DNTTIP1: variants seen among roughly 807,000 people sequenced by gnomAD.
DNTTIP1 encodes deoxynucleotidyltransferase terminal interacting protein 1.
In DNTTIP1, 22 loss-of-function variants were observed where a neutral mutation model predicts 52.9. That is an observed-to-expected ratio of 0.42 (90% CI 0.30 to 0.59). The LOEUF (loss-of-function observed/expected upper bound fraction) is 0.59, where lower values mean the gene tolerates loss of function less well. DNTTIP1 is among the 20% of genes least tolerant of loss of function. The pLI is 0.22. For synonymous variants in DNTTIP1, 136 were observed against 155.1 expected, an observed-to-expected ratio of 0.88 and a Z score of 0.92; for missense variants, 286 against 435.5, an observed-to-expected ratio of 0.66 and a Z score of 3.06.
In DNTTIP1 at chr20:45,805,356, A is replaced by G. The variant is rs1306114681; in HGVS notation, c.713A>G (p.His238Arg). The G allele has an allele frequency of 1.9e-6, 3 of 1,614,010 alleles. No individual in the cohort carries two copies. Among genetic ancestry groups the G allele is most frequent in the Non-Finnish European group, 2.5e-6 (3 of 1,179,994 alleles). ...TRGRIYIKHP[H>R]LFKYAADPQD... ...GGAAGAATCTACATCAAGCACCCAC[A>G]CCTCTTTAAGGTAGGTGACTGCTGG... The change falls in exon 10 of 13, where the codon CAC (histidine) becomes CGC (arginine). Residue 238 changes from histidine to arginine, a missense_variant. Physicochemically the swap from His to Arg is conservative, Grantham distance 29. This residue lies in a region of DNTTIP1 where 78 missense variants were observed against 169.0 expected (regional missense o/e 0.46). Coordinates refer to ENST00000372622, the MANE Select transcript of DNTTIP1 (RefSeq NM_052951.3).
intron 7 of DNTTIP1, chr20:45,803,101 CAG>C (rs1374257153): frequency 6.2e-5 from 31 of 500,088 alleles, no homozygotes; most frequent in Admixed American, 4.0e-4. Context: ...AACTGCCACT[CAG>C]AGGTTCTTGG....
At position 45,801,463 on chromosome 20, in the gene DNTTIP1, A is replaced by C. The variant is rs1209397934; in HGVS notation, c.498+5A>C. The stretch of plus-strand genomic sequence containing the variant: ...GGAAGCCCCCTTCCTAAAAAGGTAA[A>C]CCATTTCCTTGTTTTGTTTTCTGGC... On this transcript the variant is annotated splice_donor_5th_base_variant and intron_variant, in intron 6 of 12. Transcript: ENST00000372622. 2 of 1,613,914 alleles carry C rather than the reference A, an allele frequency of 1.2e-6. No homozygotes were observed. Among genetic ancestry groups the C allele is most frequent in the South Asian group, 2.2e-5 (2 of 91,080 alleles).
In DNTTIP1 at chr20:45,809,206, C is replaced by T; in HGVS notation, c.795+21C>T. The T allele has an allele frequency of 6.2e-7, 1 of 1,610,862 alleles. No homozygotes were observed. Among genetic ancestry groups the T allele is most frequent in the Non-Finnish European group, 8.5e-7 (1 of 1,177,608 alleles). On this transcript the variant is annotated intron_variant, in intron 11 of 12. Coordinates refer to ENST00000372622, the MANE Select transcript of DNTTIP1 (RefSeq NM_052951.3). The surrounding 1 kb of genome is among the most constrained non-coding windows in gnomAD (Gnocchi z 4.2). ...AGATGGTAAGCATTATTCATTTGTG[C>T]CACTGCCAGTGACCCACCCCACCTG... is the stretch of plus-strand genomic sequence containing the variant.
Position 45,811,072 on chromosome 20 carries a change from G to A in DNTTIP1, c.867G>A (p.Leu289=). 2 of 1,613,864 alleles carry A rather than the reference G, an allele frequency of 1.2e-6. No individual in the cohort carries two copies. Among genetic ancestry groups the A allele is most frequent in the Non-Finnish European group, 1.7e-6 (2 of 1,179,834 alleles). ...TCTGTTCCAGAGGATGCCTGGATCT[G>A]AAGCTAGAGGAATTGAAATCCTTTG... ...ASDDYRGCLD[L]KLEELKSFVL... The change falls in exon 13 of 13, where the codon CTG becomes CTA. Residue 289 remains leucine, a synonymous_variant. Transcript: ENST00000372622.
chr20:45,811,293 C>A lies in DNTTIP1; in HGVS notation c.*98C>A. ...GGGACTGCTCCTAGATGGATCTCAGCGGCATTAAGCTGTGCCTGAGCGAGT... is the reference window on the plus strand; with the variant it reads ...GGGACTGCTCCTAGATGGATCTCAGAGGCATTAAGCTGTGCCTGAGCGAGT... On this transcript the variant is annotated 3_prime_UTR_variant, in exon 13 of 13. Coordinates refer to ENST00000372622, the MANE Select transcript of DNTTIP1 (RefSeq NM_052951.3). 7.1e-7 allele frequency: 1 copy of A among 1,412,836 alleles called. No homozygotes were observed. Among genetic ancestry groups the A allele is most frequent in the South Asian group, 1.4e-5 (1 of 71,298 alleles). 87.5% of individuals were successfully genotyped at this position (1,412,836 alleles called of 1,614,324 possible).
Position 45,805,354 on chromosome 20 carries a change from A to C in DNTTIP1, c.711A>C (p.Pro237=), listed in dbSNP as rs1981599466. ...GAGGAAGAATCTACATCAAGCACCC[A>C]CACCTCTTTAAGGTAGGTGACTGCT... ...GTRGRIYIKH[P]HLFKYAADPQ... is the part of the protein sequence containing the mutation. Residue 237 remains proline (P), a synonymous_variant, in exon 10 of 13, where the codon CCA becomes CCC. Coordinates refer to ENST00000372622, the MANE Select transcript of DNTTIP1 (RefSeq NM_052951.3). The C allele has an allele frequency of 6.2e-7, 1 of 1,614,048 alleles. No homozygotes were observed.
chr20:45,793,695 G>A (rs146107583), intron 2 of DNTTIP1, among the ~76,000 whole-genome samples: 6,282 of 151,662 alleles, frequency 0.041, 191 homozygotes, highest in African/African-American at 0.079. Context: ...GTGAGACTCC[G>A]TCTCAAAAAA....
chr20:45,804,832 T>C (rs1322070216), intron 8 of DNTTIP1, among the ~76,000 whole-genome samples: 2 of 152,230 alleles, frequency 1.3e-5, no homozygotes, highest in African/African-American at 2.4e-5. Flanking sequence ...GAAGCCTTCC[T>C]GGCTGGACCC....
chr20:45,796,499 T>C (rs1981243813), intron 4 of DNTTIP1: 2 of 470,996 alleles, frequency 4.2e-6, no homozygotes, highest in Admixed American at 2.3e-5. Flanking sequence ...TTTGGTATCA[T>C]GGGGATGAGC....
chr20:45,800,626 A>G (rs1402614698), intron 4 of DNTTIP1, among the ~76,000 whole-genome samples: 2 of 147,110 alleles, frequency 1.4e-5, no homozygotes, highest in African/African-American at 5.1e-5. Flanking sequence ...GTGAGCTGAG[A>G]TAGCACCACT....
At position 45,792,707 on chromosome 20, in the gene DNTTIP1, C is replaced by T; in HGVS notation, c.136C>T (p.Gln46Ter). The T allele has an allele frequency of 6.2e-7, 1 of 1,612,386 alleles. No homozygotes were observed. The highest frequency in any genetic ancestry group is 8.5e-7 in the Non-Finnish European group (1 of 1,179,256). ...TTGGAACATAATGATAAAGCACCGGCAGGTGCAGCGGAGGGGCCGCCGCTC... is the reference window on the plus strand; with the variant it reads ...TTGGAACATAATGATAAAGCACCGGTAGGTGCAGCGGAGGGGCCGCCGCTC... Reference protein sequence around the residue: ...NPWNIMIKHRQVQRRGRRSQM... With the variant: ...NPWNIMIKHR Residue 46 changes from glutamine to a stop codon, truncating the protein, a stop_gained, in exon 2 of 13, where the codon CAG becomes TAG. Coordinates refer to ENST00000372622, the MANE Select transcript of DNTTIP1 (RefSeq NM_052951.3). LOFTEE classifies it high-confidence loss of function.
intron 4 of DNTTIP1, chr20:45,796,505 T>C (rs1177476663): frequency 8.5e-6 from 4 of 471,026 alleles, no homozygotes; most frequent in Non-Finnish European, 1.8e-5. Context: ...ATCATGGGGA[T>C]GAGCACCCTG....
At position 45,811,245 on chromosome 20, in the gene DNTTIP1, C is replaced by G; in HGVS notation, c.*50C>G. On this transcript the variant is annotated 3_prime_UTR_variant, in exon 13 of 13. Transcript: ENST00000372622. ...GCAGCCCTCCTCCAAAGCCCTCTTC[C>G]TCACGTGGCTGAGGCCACCGCTGGG... The G allele has an allele frequency of 6.4e-7, 1 of 1,557,296 alleles. No homozygotes were observed. The highest frequency in any genetic ancestry group is 2.2e-5 in the East Asian group (1 of 44,618).
At chr20:45,804,432 G>A (rs911492062) in intron 8 of DNTTIP1, among the ~76,000 whole-genome samples, 2 of 151,276 alleles carry the variant, frequency 1.3e-5, no homozygotes, top group Admixed American at 6.6e-5. Flanking sequence ...TGCTCTCCCT[G>A]CCTGTAGTCT....
chr20:45,806,138 C>T (rs1480988299), intron 10 of DNTTIP1, among the ~76,000 whole-genome samples: 2 of 151,988 alleles, frequency 1.3e-5, no homozygotes, highest in African/African-American at 4.8e-5. Context: ...GGCGGATCAC[C>T]TGAAGTCGGG....
Position 45,809,197 on chromosome 20 carries a change from T to C in DNTTIP1, c.795+12T>C. 2 of 1,613,462 alleles carry C rather than the reference T, an allele frequency of 1.2e-6. No individual in the cohort carries two copies. Among genetic ancestry groups the C allele is most frequent in the Non-Finnish European group, 1.7e-6 (2 of 1,179,768 alleles). On this transcript the variant is annotated intron_variant, in intron 11 of 12. Transcript: ENST00000372622. The surrounding 1 kb of genome is among the most constrained non-coding windows in gnomAD (Gnocchi z 4.2). ...CAGGGGGCAAGATGGTAAGCATTATTCATTTGTGCCACTGCCAGTGACCCA... is the reference window on the plus strand; with the variant it reads ...CAGGGGGCAAGATGGTAAGCATTATCCATTTGTGCCACTGCCAGTGACCCA...
intron 4 of DNTTIP1, among the ~76,000 whole-genome samples, chr20:45,799,995 C>T (rs551214715): frequency 6.6e-6 from 1 of 150,900 alleles, no homozygotes; most frequent in East Asian, 1.9e-4. Flanking sequence ...GGTTGCACGC[C>T]TGTAATCCCA....
chr20:45,801,520 G>A, intron 6 of DNTTIP1, 62 bp downstream of exon 6: 1 of 1,552,406 alleles, frequency 6.4e-7, no homozygotes, highest in Non-Finnish European at 8.9e-7. Context: ...GGGTGTGGTG[G>A]CTCACACCTG....
intron 4 of DNTTIP1, 116 bp downstream of exon 4, chr20:45,795,559 G>T: frequency 1.6e-6 from 1 of 617,886 alleles, no homozygotes; most frequent in Admixed American, 2.9e-5. Context: ...AGCACTGTGG[G>T]AGGCCAAGGT....
Sources: allele counts gnomAD v4.1 joint callset (sites outside exome capture counted in the v4.1 genomes callset), GRCh38; gene constraint gnomAD v4.1.1; regional missense constraint gnomAD v4.1.1; non-coding constraint Gnocchi (gnomAD v3.1); transcripts MANE v1.5; gene names NCBI Gene and HGNC (gene_info 2026-07-23, HGNC 2026-07-21).